The following C1QTNF7 variants were observed in gnomAD, a reference collection of about 807,000 sequenced individuals.
C1QTNF7 encodes complement C1q tumor necrosis factor-related protein 7.
A neutral mutation model predicts 19.6 loss-of-function variants in C1QTNF7; 15 were observed. The observed-to-expected ratio is 0.76, with a 90% CI of 0.51 to 1.18. The LOEUF (loss-of-function observed/expected upper bound fraction) is 1.18, where lower values mean the gene tolerates loss of function less well. C1QTNF7 is among the 50% of genes most tolerant of loss of function. C1QTNF7 has a pLI of 0.00. For synonymous variants in C1QTNF7, 142 were observed against 137.5 expected (o/e 1.03, Z -0.23); for missense variants, 324 against 359.7 (o/e 0.90, Z 0.80).
chr4:15,417,057 G>C (rs13108525), intron 1 of C1QTNF7, among the ~76,000 whole-genome samples: 41,104 of 152,084 alleles, frequency 0.27, 6,349 homozygotes, highest in Middle Eastern at 0.37. Flanking sequence ...TATAAATTTA[G>C]CTAAATACCC....
At chr4:15,357,259 GA>G (rs1717177601) in intron 1 of C1QTNF7, among the ~76,000 whole-genome samples, 1 of 152,154 alleles carries the variant, frequency 6.6e-6, no homozygotes, top group Admixed American at 6.5e-5. Context: ...AATTCACCTT[GA>G]GTTAATTTCT....
chr4:15,372,237 A>G (rs531689045), intron 1 of C1QTNF7, among the ~76,000 whole-genome samples: 1 of 152,304 alleles, frequency 6.6e-6, no homozygotes, highest in Non-Finnish European at 1.5e-5. Context: ...CGGCTTTATC[A>G]GGAGATAGAG....
chr4:15,357,319 A>G (rs1215953825), intron 1 of C1QTNF7, among the ~76,000 whole-genome samples: 3 of 152,206 alleles, frequency 2.0e-5, no homozygotes, highest in African/African-American at 4.8e-5. Flanking sequence ...GCATATGGCT[A>G]TCCAGTTTTC....
chr4:15,407,663 A>G (rs1719241432), intron 1 of C1QTNF7, among the ~76,000 whole-genome samples: 1 of 152,222 alleles, frequency 6.6e-6, no homozygotes, highest in Middle Eastern at 3.2e-3. Flanking sequence ...AGCATTAGTA[A>G]AAAAAACAAA....
At chr4:15,442,083 G>T in intron 2 of C1QTNF7, 85 bp from the exon 3 acceptor site, 1 of 1,437,294 alleles carries the variant, frequency 7.0e-7, no homozygotes, top group Middle Eastern at 2.0e-4. Flanking sequence ...AGACAAAGTT[G>T]GGATGTGCTG....
chr4:15,379,629 CT>C (rs931440737), intron 1 of C1QTNF7, among the ~76,000 whole-genome samples: 1 of 151,846 alleles, frequency 6.6e-6, no homozygotes, highest in Non-Finnish European at 1.5e-5. Flanking sequence ...AAATAAGGGG[CT>C]TTTTTTTAAC....
chr4:15,370,684 A>G (rs969896593), intron 1 of C1QTNF7, among the ~76,000 whole-genome samples: 1 of 152,258 alleles, frequency 6.6e-6, no homozygotes, highest in East Asian at 1.9e-4. Flanking sequence ...TTTATAAATA[A>G]AAGAAATTTA....
At chr4:15,351,688 C>G (rs1487584185) in intron 1 of C1QTNF7, among the ~76,000 whole-genome samples, 1 of 152,084 alleles carries the variant, frequency 6.6e-6, no homozygotes, top group Non-Finnish European at 1.5e-5. Context: ...TTCTAATATG[C>G]AGCCAAAGTA....
At position 15,444,203 on chromosome 4, in the gene C1QTNF7, C is replaced by A. The variant is rs545978091; in HGVS notation, c.*1404C>A. 6.6e-6 allele frequency: 1 copy of A among 152,068 alleles called. No individual in the cohort carries two copies. Among genetic ancestry groups the A allele is most frequent in the Non-Finnish European group, 1.5e-5 (1 of 68,028 alleles). 9.4% of individuals were successfully genotyped at this position (152,068 alleles called of 1,614,324 possible). A position where few individuals can be genotyped will look rare whatever the true frequency, so the allele number is the denominator to read the frequency against. On this transcript the variant is annotated 3_prime_UTR_variant, in exon 3 of 3. Transcript: ENST00000444304. ...CATTGACTTATAAATAGTTTTCATACCTCTTATGTTTGAATCACCATGCTA... is the reference window on the plus strand; with the variant it reads ...CATTGACTTATAAATAGTTTTCATAACTCTTATGTTTGAATCACCATGCTA...
chr4:15,389,853 G>T (rs1479192037), intron 1 of C1QTNF7, among the ~76,000 whole-genome samples: 2 of 152,152 alleles, frequency 1.3e-5, no homozygotes, highest in Admixed American at 1.3e-4. Context: ...GAGTAGGTCA[G>T]GGGGCAGGAA....
Position 15,443,000 on chromosome 4 carries a change from A to C in C1QTNF7, c.*201A>C. 1 of 450,232 alleles carries C rather than the reference A, an allele frequency of 2.2e-6. No individual in the cohort carries two copies. The allele number at this position is 450,232 out of a possible 1,614,324, so 27.9% of individuals were successfully genotyped here. On this transcript the variant is annotated 3_prime_UTR_variant, in exon 3 of 3. Transcript: ENST00000444304. ...ATGAATTCTATTAAAGAATAGCCCC[A>C]GATATAAATTCTCTTGAAAGCAATG...
At chr4:15,415,917 G>C (rs1719589280) in intron 1 of C1QTNF7, among the ~76,000 whole-genome samples, 1 of 152,082 alleles carries the variant, frequency 6.6e-6, no homozygotes, top group Admixed American at 6.5e-5. Flanking sequence ...TTGTTGATGT[G>C]CATTGATTTA....
At chr4:15,407,991 G>A (rs1370058669) in intron 1 of C1QTNF7, among the ~76,000 whole-genome samples, 2 of 152,208 alleles carry the variant, frequency 1.3e-5, no homozygotes, top group African/African-American at 4.8e-5. Flanking sequence ...AAAGTAGGCC[G>A]GGCTTGGTGG....
intron 1 of C1QTNF7, among the ~76,000 whole-genome samples, chr4:15,431,712 A>G (rs61681199): frequency 0.021 from 3,141 of 152,076 alleles, 103 homozygotes; most frequent in African/African-American, 0.072. Context: ...TCCCCACAAA[A>G]TTCTCCTCTT....
chr4:15,372,116 A>G (rs541302304), intron 1 of C1QTNF7, among the ~76,000 whole-genome samples: 12 of 151,436 alleles, frequency 7.9e-5, no homozygotes, highest in African/African-American at 2.2e-4. Flanking sequence ...TCAGTGAGGG[A>G]AAAAAAAAGG....
At chr4:15,388,700 G>A (rs4698379) in intron 1 of C1QTNF7, among the ~76,000 whole-genome samples, 72,994 of 152,030 alleles carry the variant, frequency 0.48, 19,155 homozygotes, top group African/African-American at 0.69. Flanking sequence ...AAGAAAAAAG[G>A]TTCAGGAACT....
chr4:15,399,464 G>A (rs917204889), intron 1 of C1QTNF7, among the ~76,000 whole-genome samples: 2 of 152,246 alleles, frequency 1.3e-5, no homozygotes, highest in South Asian at 2.1e-4. Context: ...CATTTCAATC[G>A]ATGATCTGTG....
chr4:15,444,285 T>C lies in C1QTNF7; in HGVS notation c.*1486T>C, dbSNP rs1016383408. On this transcript the variant is annotated 3_prime_UTR_variant, in exon 3 of 3. Coordinates refer to ENST00000444304, the MANE Select transcript of C1QTNF7 (RefSeq NM_031911.5). ...AATATATTAATAGTATAGCTCTGAC[T>C]GGTAAATTTCTTTTTTTTAATCTTC... 1 of 152,194 alleles carries C rather than the reference T, an allele frequency of 6.6e-6. No individual in the cohort carries two copies. The highest frequency in any genetic ancestry group is 1.5e-5 in the Non-Finnish European group (1 of 68,040). 9.4% of individuals were successfully genotyped at this position (152,194 alleles called of 1,614,324 possible). A position where few individuals can be genotyped will look rare whatever the true frequency, so the allele number is the denominator to read the frequency against.
At chr4:15,343,285 G>A (rs183384008) in intron 1 of C1QTNF7, among the ~76,000 whole-genome samples, 43 of 152,312 alleles carry the variant, frequency 2.8e-4, no homozygotes, top group Admixed American at 1.9e-3. Flanking sequence ...TTGTCCTGAT[G>A]AGTTGAGGCC....
Sources: gnomAD v4.1 joint callset for allele counts (sites outside exome capture counted in the v4.1 genomes callset) on GRCh38, gnomAD v4.1.1 for gene constraint, MANE v1.5 for transcripts, NCBI Gene and HGNC (gene_info 2026-07-23, HGNC 2026-07-21) for gene names.